KCNT1: variants seen among roughly 807,000 people sequenced by gnomAD.
The protein encoded by KCNT1 is potassium sodium-activated channel subfamily T member 1.
Under a neutral mutation model 147.8 loss-of-function variants are expected in KCNT1, and 78 were observed. The ratio of observed to expected loss-of-function variants is 0.53; its 90% CI spans 0.44 to 0.64. KCNT1 has a LOEUF of 0.64. Among genes scored for constraint, KCNT1 ranks in the 30% least tolerant of loss-of-function variants. The pLI is 0.00. For missense variants in KCNT1, 1,419 were observed against 1,750.3 expected, an observed-to-expected ratio of 0.81 and a Z score of 3.38; for synonymous variants, 867 against 748.8, an observed-to-expected ratio of 1.16 and a Z score of -2.58.
At chr9:135,776,446 T>C (rs1833177836) in intron 20 of KCNT1, among the ~76,000 whole-genome samples, 2 of 152,012 alleles carry the variant, frequency 1.3e-5, no homozygotes, top group Non-Finnish European at 1.5e-5. Context: ...TATTTATTTT[T>C]TGTAGTGATG....
In KCNT1 at chr9:135,752,920, TGGA is replaced by T. The variant is rs1341151436; in HGVS notation, c.435-1016_435-1014del. On this transcript the variant is annotated intron_variant, in intron 4 of 30. Transcript: ENST00000371757. This position sits in a 1 kb window ranked among gnomAD's most constrained non-coding sequence, Gnocchi z 5.1. Reference sequence around the variant, plus strand: ...GATGGAGGGATGAGTGGATGGATGATGGATGGATGGATGGACAGATAAGTAGAT... The same window carrying T: ...GATGGAGGGATGAGTGGATGGATGATTGGATGGATGGACAGATAAGTAGAT... 2.1e-5 allele frequency among the ~76,000 whole-genome samples: 3 copies of T among 146,000 alleles called. No individual in the cohort carries two copies. Among genetic ancestry groups the T allele is most frequent in the Non-Finnish European group, 1.5e-5 (1 of 66,516 alleles).
In KCNT1 at chr9:135,727,225, CTT is replaced by C. The variant is rs1311275801; in HGVS notation, c.254+12507_254+12508del. Among the ~76,000 whole-genome samples the C allele has an allele frequency of 3.3e-3, 226 of 69,084 alleles. 2 individuals are homozygous for C. Among genetic ancestry groups the C allele is most frequent in the Non-Finnish European group, 5.1e-3 (182 of 35,366 alleles). 45.3% of individuals were successfully genotyped at this position (69,084 alleles called of 152,430 possible). A position where few individuals can be genotyped will look rare whatever the true frequency, so the allele number is the denominator to read the frequency against. ...TCTCTCCCTCTCCCTCTCTCTCTCT[CTT>C]TCCCATTCTCTCTCCCCCTCTCTCT... On this transcript the variant is annotated intron_variant, in intron 2 of 30. Coordinates refer to ENST00000371757, the MANE Select transcript of KCNT1 (RefSeq NM_020822.3).
intron 2 of KCNT1, among the ~76,000 whole-genome samples, chr9:135,726,134 C>A (rs1015706372): frequency 7.2e-5 from 11 of 151,770 alleles, no homozygotes; most frequent in South Asian, 4.1e-4. Flanking sequence ...GTCGTGGGGG[C>A]AGGGGGATGA....
At chr9:135,754,680 T>C (rs761124956) in intron 5 of KCNT1, among the ~76,000 whole-genome samples, 31 of 152,176 alleles carry the variant, frequency 2.0e-4, no homozygotes, top group Non-Finnish European at 4.3e-4. Context: ...GTGGGTTAGA[T>C]AGCCCGACCT....
In KCNT1 at chr9:135,792,142, G is replaced by T; in HGVS notation, c.3689G>T (p.Arg1230Leu). 1 of 1,605,836 alleles carries T rather than the reference G, an allele frequency of 6.2e-7. No homozygotes were observed. Among genetic ancestry groups the T allele is most frequent in the Non-Finnish European group, 8.5e-7 (1 of 1,179,578 alleles). Reference protein sequence around the residue: ...HKLSSCNPETRDETQL With the variant: ...HKLSSCNPETLDETQL ...CTGTCGTCCTGCAACCCCGAGACTC[G>T]CGACGAGACACAGCTCTGAGCCAGC... The change falls in exon 31 of 31, where the codon CGC becomes CTC. Residue 1230 changes from arginine (R) to leucine (L), a missense_variant. Coordinates refer to ENST00000371757, the MANE Select transcript of KCNT1 (RefSeq NM_020822.3).
chr9:135,767,848 G>T (rs1347056249), intron 13 of KCNT1, among the ~76,000 whole-genome samples: 1 of 152,070 alleles, frequency 6.6e-6, no homozygotes, highest in Admixed American at 6.5e-5. Flanking sequence ...GCCTGGGGGA[G>T]GAAGGGCAGG....
Position 135,792,710 on chromosome 9 carries a change from C to T in KCNT1, c.*549C>T, listed in dbSNP as rs1203091319. ...GGCTGTTTGCTGTCCCAAGCCCCTT[C>T]TGGAAGTTAGAAGCAGCAAAGGGCC... On this transcript the variant is annotated 3_prime_UTR_variant, in exon 31 of 31. Coordinates refer to ENST00000371757, the MANE Select transcript of KCNT1 (RefSeq NM_020822.3). The T allele has an allele frequency of 6.6e-6, 1 of 152,178 alleles. No homozygotes were observed. The highest frequency in any genetic ancestry group is 2.1e-4 in the South Asian group (1 of 4,838). 9.4% of individuals were successfully genotyped at this position (152,178 alleles called of 1,614,324 possible).
intron 11 of KCNT1, 115 bp downstream of exon 11, chr9:135,759,974 G>A: frequency 2.0e-6 from 2 of 1,008,786 alleles, no homozygotes; most frequent in Non-Finnish European, 2.8e-6. Flanking sequence ...CCCAGGAGGG[G>A]ACAGTGAGGC....
intron 2 of KCNT1, chr9:135,742,703 C>G: frequency 1.4e-6 from 1 of 716,578 alleles, no homozygotes; most frequent in East Asian, 2.7e-5. Flanking sequence ...GTCCGTCTAT[C>G]TGTCTGCTGC....
At chr9:135,749,497 T>G (rs1448818468) in intron 2 of KCNT1, among the ~76,000 whole-genome samples, 1 of 152,144 alleles carries the variant, frequency 6.6e-6, no homozygotes, top group Non-Finnish European at 1.5e-5. Context: ...GGAGCGGCAC[T>G]GGCTGGAGGG....
chr9:135,770,230 A>T, intron 16 of KCNT1, 68 bp from the exon 17 acceptor site: 1 of 1,531,688 alleles, frequency 6.5e-7, no homozygotes, highest in East Asian at 2.3e-5. Flanking sequence ...GCACCTGCAG[A>T]CCCAGCCGGG....
chr9:135,728,776 G>T (rs532621827), intron 2 of KCNT1, among the ~76,000 whole-genome samples: 1 of 152,336 alleles, frequency 6.6e-6, no homozygotes, highest in East Asian at 1.9e-4. Context: ...CAATCCAGGA[G>T]TGTTTTGCCG....
At chr9:135,771,138 T>C (rs903403489) in intron 18 of KCNT1, 43 bp downstream of exon 18, 2 of 1,549,622 alleles carry the variant, frequency 1.3e-6, no homozygotes, top group Admixed American at 1.8e-5. Context: ...GCCTGCTCCT[T>C]TGGCGGGAGA....
At chr9:135,765,941 A>G (rs144879884) in intron 13 of KCNT1, among the ~76,000 whole-genome samples, 181 bp downstream of exon 13, 3 of 151,616 alleles carry the variant, frequency 2.0e-5, no homozygotes, top group Admixed American at 6.6e-5. Flanking sequence ...GGGGTGGACC[A>G]TTTAGGGTGG....
intron 28 of KCNT1, 78 bp downstream of exon 28, chr9:135,785,408 G>C: frequency 6.6e-7 from 1 of 1,526,464 alleles, no homozygotes; most frequent in Non-Finnish European, 8.8e-7. Context: ...AGCCTGCCAG[G>C]CCCCACCCAC....
Position 135,756,912 on chromosome 9 carries a change from C to T in KCNT1, c.580C>T (p.Leu194Phe). The change falls in exon 7 of 31, where the codon CTC (leucine) becomes TTC (phenylalanine). Residue 194 changes from leucine to phenylalanine, a missense_variant. By Grantham distance (22) the Leu-to-Phe change is conservative. This residue lies in a region of KCNT1 where 401 missense variants were observed against 610.6 expected (regional missense o/e 0.66). Transcript: ENST00000371757. ...AATAAGCTTCCTGGAGACGATGCTT[C>T]TCATCTACCTCAGCTACAAAGTGAG... The part of the protein sequence containing the change: ...AIISFLETML[L>F]IYLSYKGNIW... 6.2e-7 allele frequency: 1 copy of T among 1,613,224 alleles called. No individual in the cohort carries two copies. The highest frequency in any genetic ancestry group is 1.1e-5 in the South Asian group (1 of 91,074).
At chr9:135,777,008 C>T (rs916650587) in intron 20 of KCNT1, among the ~76,000 whole-genome samples, 3 of 152,250 alleles carry the variant, frequency 2.0e-5, no homozygotes, top group Non-Finnish European at 4.4e-5. Flanking sequence ...TGTTGGCATC[C>T]CTGCTCTGAG....
chr9:135,786,236 CGGG>C lies in KCNT1; in HGVS notation c.3218_3220del (p.Arg1073_Glu1074delinsGln). ...GAACGTGGAGGACTGTGAGGACACACGGGAAGTGAAGGGGCCCTGGGGCTCCCG... is the reference window on the plus strand; with the variant it reads ...GAACGTGGAGGACTGTGAGGACACACAAGTGAAGGGGCCCTGGGGCTCCCG... On this transcript the variant is annotated inframe_deletion, in exon 29 of 31. Transcript: ENST00000371757. 1 of 1,611,584 alleles carries C rather than the reference CGGG, an allele frequency of 6.2e-7. No individual in the cohort carries two copies. Among genetic ancestry groups the C allele is most frequent in the South Asian group, 1.1e-5 (1 of 90,932 alleles).
intron 1 of KCNT1, among the ~76,000 whole-genome samples, chr9:135,704,947 T>C (rs1449056341): frequency 4.6e-5 from 7 of 151,974 alleles, no homozygotes; most frequent in Non-Finnish European, 1.0e-4. Flanking sequence ...CAGTAACAGC[T>C]CAGGAGGACA....
Sources: allele counts gnomAD v4.1 joint callset (sites outside exome capture counted in the v4.1 genomes callset), GRCh38; gene constraint gnomAD v4.1.1; regional missense constraint gnomAD v4.1.1; non-coding constraint Gnocchi (gnomAD v3.1); transcripts MANE v1.5; gene names NCBI Gene and HGNC (gene_info 2026-07-23, HGNC 2026-07-21).